The following MARCO variants were observed in gnomAD, a reference collection of about 807,000 sequenced individuals.
MARCO encodes macrophage receptor with collagenous structure.
Under a neutral mutation model 70.0 loss-of-function variants are expected in MARCO, and 72 were observed. The ratio of observed to expected loss-of-function variants is 1.03; its 90% CI spans 0.85 to 1.25. The LOEUF is 1.25. Ranked by LOEUF, MARCO falls within the 50% of genes most tolerant of loss-of-function variation. MARCO has a pLI of 0.00. For missense variants in MARCO, 696 were observed against 659.3 expected (o/e 1.06, Z -0.61); for synonymous variants, 273 against 243.1 (o/e 1.12, Z -1.14).
At chr2:118,992,035 C>T (rs4848530) in intron 14 of MARCO, among the ~76,000 whole-genome samples, 160 bp downstream of exon 14, 52,816 of 152,128 alleles carry the variant, frequency 0.35, 10,622 homozygotes, top group Non-Finnish European at 0.47. Flanking sequence ...TGTGCTGGGG[C>T]TTGCCCTAGG....
chr2:118,964,571 A>T (rs1051316753), intron 1 of MARCO, among the ~76,000 whole-genome samples: 2 of 152,112 alleles, frequency 1.3e-5, no homozygotes, highest in African/African-American at 4.8e-5. Context: ...ATAGTTTCTG[A>T]TGAGAAACTT....
In MARCO at chr2:118,977,872, G is replaced by C; in HGVS notation, c.703G>C (p.Gly235Arg). ...QGEKGSKGDGGLIGPKGETGT... is the reference protein window; with the variant it reads ...QGEKGSKGDGRLIGPKGETGT... The stretch of plus-strand genomic sequence containing the variant: ...AGAGAAGGGCAGCAAAGGCGATGGG[G>C]GTCTCATTGGCCCAAAAGGGGAAAC... The change falls in exon 8 of 17, where the codon GGT becomes CGT. Residue 235 changes from glycine (G) to arginine (R), a missense_variant. Transcript: ENST00000327097. The C allele has an allele frequency of 1.2e-6, 2 of 1,613,044 alleles. No homozygotes were observed. Among genetic ancestry groups the C allele is most frequent in the East Asian group, 4.5e-5 (2 of 44,832 alleles).
intron 1 of MARCO, among the ~76,000 whole-genome samples, chr2:118,953,755 A>T (rs1679773592): frequency 6.6e-6 from 1 of 152,216 alleles, no homozygotes; most frequent in Non-Finnish European, 1.5e-5. Context: ...CAGCCGTGTA[A>T]GTGGAAAAGG....
intron 12 of MARCO, among the ~76,000 whole-genome samples, chr2:118,988,125 T>C (rs543088543): frequency 6.6e-6 from 1 of 152,126 alleles, no homozygotes; most frequent in Non-Finnish European, 1.5e-5. Context: ...TCAAACAAGG[T>C]CATGGATGTA....
chr2:118,991,722 C>T (rs900185016), intron 13 of MARCO, 55 bp from the exon 14 acceptor site: 3 of 1,048,834 alleles, frequency 2.9e-6, no homozygotes, highest in Non-Finnish European at 4.2e-6. Flanking sequence ...GCCCTTGGGT[C>T]TCTCTTGGGA....
chr2:118,942,206 A>C lies in MARCO; in HGVS notation c.-95A>C. 1 of 760,484 alleles carries C rather than the reference A, an allele frequency of 1.3e-6. No individual in the cohort carries two copies. The highest frequency in any genetic ancestry group is 2.3e-6 in the Non-Finnish European group (1 of 437,414). 47.1% of individuals were successfully genotyped at this position (760,484 alleles called of 1,614,324 possible). A position where few individuals can be genotyped will look rare whatever the true frequency, so the allele number is the denominator to read the frequency against. On this transcript the variant is annotated 5_prime_UTR_variant, in exon 1 of 17. Coordinates refer to ENST00000327097, the MANE Select transcript of MARCO (RefSeq NM_006770.4). ...TGCTGCGAGGTTTACAACCAGCTGCAGTGGTTCGATGGGAAGGATCTTTCT... is the reference window on the plus strand; with the variant it reads ...TGCTGCGAGGTTTACAACCAGCTGCCGTGGTTCGATGGGAAGGATCTTTCT...
chr2:118,951,736 C>A (rs1395828922), intron 1 of MARCO, among the ~76,000 whole-genome samples: 2 of 152,110 alleles, frequency 1.3e-5, no homozygotes, highest in Non-Finnish European at 2.9e-5. Flanking sequence ...TTAAATTTAC[C>A]CTGGCTTTTA....
intron 1 of MARCO, 23 bp downstream of exon 1, chr2:118,942,420 T>C (rs1047155054): frequency 1.9e-6 from 3 of 1,540,320 alleles, no homozygotes; most frequent in Non-Finnish European, 2.7e-6. Flanking sequence ...TCCCCAATAA[T>C]GGAAATGACC....
intron 1 of MARCO, among the ~76,000 whole-genome samples, chr2:118,953,366 A>C (rs1243232946): frequency 1.3e-5 from 2 of 152,252 alleles, no homozygotes; most frequent in Non-Finnish European, 2.9e-5. Flanking sequence ...AACAAGAAGG[A>C]AAACTTTGAA....
At chr2:118,982,101 G>T (rs1680403288) in intron 10 of MARCO, 55 bp from the exon 11 acceptor site, 26 of 1,293,984 alleles carry the variant, frequency 2.0e-5, no homozygotes, top group Non-Finnish European at 2.6e-5. Context: ...GGGGGTTGGG[G>T]TATCTGGGCC....
chr2:118,966,172 T>G (rs2104571678), intron 1 of MARCO, among the ~76,000 whole-genome samples: 1 of 152,330 alleles, frequency 6.6e-6, no homozygotes, highest in East Asian at 1.9e-4. Flanking sequence ...CTGGGATCTT[T>G]TACAGACTTG....
chr2:118,973,350 A>G (rs2011709), intron 4 of MARCO, among the ~76,000 whole-genome samples: 1,866 of 150,914 alleles, frequency 0.012, 94 homozygotes, highest in South Asian at 0.12. Flanking sequence ...CTCACTCTCC[A>G]TGTCTTTCTC....
rs953683777 is a variant in MARCO, at chr2:118,981,282, G to A, written c.767-127G>A. On this transcript the variant is annotated intron_variant, in intron 8 of 16. Coordinates refer to ENST00000327097, the MANE Select transcript of MARCO (RefSeq NM_006770.4). ...GGCAGCGGTCATATCTTCCACTCGC[G>A]GGCACCAAGTAGGAGCTCAAGGAGT... 6.8e-5 allele frequency: 46 copies of A among 672,116 alleles called. No individual in the cohort carries two copies. The East Asian group carries it at 7.3e-4, about 11-fold the overall frequency. 41.6% of individuals were successfully genotyped at this position (672,116 alleles called of 1,614,324 possible).
intron 1 of MARCO, among the ~76,000 whole-genome samples, chr2:118,960,013 T>C (rs1679911832): frequency 6.6e-6 from 1 of 152,012 alleles, no homozygotes; most frequent in African/African-American, 2.4e-5. Context: ...CAATGTATAC[T>C]GCTTGGGTGA....
chr2:118,994,563 G>T lies in MARCO; in HGVS notation c.*43G>T, dbSNP rs1226214684. 1.3e-6 allele frequency: 2 copies of T among 1,525,984 alleles called. No individual in the cohort carries two copies. The highest frequency in any genetic ancestry group is 1.8e-6 in the Non-Finnish European group (2 of 1,139,520). The allele number at this position is 1,525,984 out of a possible 1,614,324, so 94.5% of individuals were successfully genotyped here. On this transcript the variant is annotated 3_prime_UTR_variant, in exon 17 of 17. Transcript: ENST00000327097. Reference sequence around the variant, plus strand: ...TTCTCTGCTCCCGAGGTGTCCTCGGGCTCATATGTGGGAAGGCAGAGGATC... The same window carrying T: ...TTCTCTGCTCCCGAGGTGTCCTCGGTCTCATATGTGGGAAGGCAGAGGATC...
At chr2:118,974,061 C>A (rs1466820362) in intron 4 of MARCO, among the ~76,000 whole-genome samples, 1 of 152,122 alleles carries the variant, frequency 6.6e-6, no homozygotes, top group Non-Finnish European at 1.5e-5. Context: ...AGCTGAGGCT[C>A]AAAATGATGA....
At chr2:118,964,056 T>C (rs1253914250) in intron 1 of MARCO, among the ~76,000 whole-genome samples, 5 of 152,226 alleles carry the variant, frequency 3.3e-5, no homozygotes, top group Non-Finnish European at 7.4e-5. Flanking sequence ...AATATACATA[T>C]GGAACTTATC....
At position 118,977,905 on chromosome 2, in the gene MARCO, A is replaced by C. The variant is rs926986151; in HGVS notation, c.736A>C (p.Lys246Gln). ...LIGPKGETGT[K>Q]GEKGDLGLPG... Reference sequence around the variant, plus strand: ...TGGCCCAAAAGGGGAAACTGGAACTAAGGGAGAGAAAGGAGACCTGGGTCT... The same window carrying C: ...TGGCCCAAAAGGGGAAACTGGAACTCAGGGAGAGAAAGGAGACCTGGGTCT... The change falls in exon 8 of 17, where the codon AAG becomes CAG. Residue 246 changes from lysine to glutamine, a missense_variant. Lys to Gln is a moderately conservative substitution (Grantham distance 53). This residue lies in a region of MARCO where 605 missense variants were observed against 537.6 expected (regional missense o/e 1.13). Coordinates refer to ENST00000327097, the MANE Select transcript of MARCO (RefSeq NM_006770.4). The C allele has an allele frequency of 1.5e-5, 24 of 1,610,376 alleles. No individual in the cohort carries two copies. The highest frequency in any genetic ancestry group is 2.0e-5 in the Non-Finnish European group (23 of 1,178,372).
intron 1 of MARCO, among the ~76,000 whole-genome samples, chr2:118,950,487 A>G (rs1679701040): frequency 6.6e-6 from 1 of 152,188 alleles, no homozygotes. Flanking sequence ...GTAGGTAGAA[A>G]TCCACATTCT....
Sources: gnomAD v4.1 joint callset for allele counts (sites outside exome capture counted in the v4.1 genomes callset) on GRCh38, gnomAD v4.1.1 for gene constraint, gnomAD v4.1.1 regional missense constraint, MANE v1.5 for transcripts, NCBI Gene and HGNC (gene_info 2026-07-23, HGNC 2026-07-21) for gene names.